CCL28: variants seen among roughly 807,000 people sequenced by gnomAD.
CCL28 encodes the protein C-C motif chemokine 28.
In CCL28, 4 loss-of-function variants were observed where a neutral mutation model predicts 7.1. The observed-to-expected ratio is 0.56, with a 90% CI of 0.28 to 1.29. CCL28 has a LOEUF of 1.29. CCL28 is among the 50% of genes most tolerant of loss of function. CCL28 has a pLI of 0.11. For missense variants in CCL28, 151 were observed against 163.4 expected (o/e 0.92, Z 0.41); for synonymous variants, 55 against 57.8 (o/e 0.95, Z 0.22).
the CCL28 span, among the ~76,000 whole-genome samples, chr5:43,370,015 C>A: frequency 6.6e-6 from 1 of 152,104 alleles, no homozygotes; most frequent in African/African-American, 2.4e-5. Flanking sequence ...ATCCCAGCAC[C>A]CTGTGGGGCT....
intron 2 of CCL28, 140 bp from the exon 3 acceptor site, chr5:43,382,192 G>GTC: frequency 1.4e-6 from 1 of 737,976 alleles, no homozygotes; most frequent in Admixed American, 3.2e-5. Flanking sequence ...ATTAAGTGTA[G>GTC]AAATGAAGTG....
downstream of CCL28, among the ~76,000 whole-genome samples, chr5:43,371,877 T>A (rs1244820099): frequency 6.6e-6 from 1 of 152,194 alleles, no homozygotes; most frequent in African/African-American, 2.4e-5. Flanking sequence ...GAAAAGAGGT[T>A]TAGTTGGCTC....
the CCL28 span, among the ~76,000 whole-genome samples, chr5:43,361,462 T>C: frequency 6.6e-6 from 1 of 152,248 alleles, no homozygotes; most frequent in Non-Finnish European, 1.5e-5. Flanking sequence ...TGTTGATAGT[T>C]TCTTTTCCTG....
At chr5:43,370,699 A>G in the CCL28 span, among the ~76,000 whole-genome samples, 1 of 150,510 alleles carries the variant, frequency 6.6e-6, no homozygotes, top group East Asian at 1.9e-4. Context: ...TGTCCTCTGG[A>G]TGTATTCCAG....
the CCL28 span, among the ~76,000 whole-genome samples, chr5:43,370,898 T>A: frequency 6.6e-6 from 1 of 151,990 alleles, no homozygotes; most frequent in Non-Finnish European, 1.5e-5. Context: ...CCCACCACCA[T>A]GACCAGCTAA....
At position 43,380,617 on chromosome 5, in the gene CCL28, A is replaced by G. The variant is rs1218129617; in HGVS notation, c.*1243T>C. 6.6e-6 allele frequency: 1 copy of G among 152,242 alleles called. No individual in the cohort carries two copies. Among genetic ancestry groups the G allele is most frequent in the Admixed American group, 6.6e-5 (1 of 15,262 alleles). 9.4% of individuals were successfully genotyped at this position (152,242 alleles called of 1,614,324 possible). On this transcript the variant is annotated 3_prime_UTR_variant, in exon 3 of 3. Coordinates refer to ENST00000361115, the MANE Select transcript of CCL28 (RefSeq NM_148672.3). ...GGAGTTTGAGATCAACCTGGGCAAC[A>G]TAGTGAGACCCTGTCTCTACAAAAA...
intron 1 of CCL28, among the ~76,000 whole-genome samples, chr5:43,390,283 C>A (rs1740521769): frequency 6.6e-6 from 1 of 152,188 alleles, no homozygotes; most frequent in Non-Finnish European, 1.5e-5. Flanking sequence ...TTCACACAAA[C>A]ACAAACCTGT....
chr5:43,410,221 C>T (rs912816740), intron 1 of CCL28, among the ~76,000 whole-genome samples: 2 of 152,202 alleles, frequency 1.3e-5, no homozygotes, highest in African/African-American at 2.4e-5. Flanking sequence ...TTTCCACCCC[C>T]TCCCTGGAGC....
At chr5:43,360,572 T>C in the CCL28 span, among the ~76,000 whole-genome samples, 1 of 152,198 alleles carries the variant, frequency 6.6e-6, no homozygotes, top group Non-Finnish European at 1.5e-5. Context: ...GCCTCCAGCT[T>C]CATCCATGTC....
At chr5:43,404,437 C>A (rs6865488) in intron 1 of CCL28, among the ~76,000 whole-genome samples, 4 of 152,056 alleles carry the variant, frequency 2.6e-5, no homozygotes, top group Non-Finnish European at 5.9e-5. Context: ...GAAATAAACC[C>A]CTTTACAGAC....
chr5:43,407,667 T>C (rs1425203152), intron 1 of CCL28, among the ~76,000 whole-genome samples: 4 of 152,188 alleles, frequency 2.6e-5, no homozygotes, highest in Non-Finnish European at 5.9e-5. Context: ...CCAAAGAACT[T>C]GTGCACAGCA....
At chr5:43,385,621 C>T (rs578250180) in intron 2 of CCL28, among the ~76,000 whole-genome samples, 4 of 152,256 alleles carry the variant, frequency 2.6e-5, no homozygotes, top group Non-Finnish European at 5.9e-5. Context: ...ACACAACAGA[C>T]AGGATCTGTA....
intron 1 of CCL28, among the ~76,000 whole-genome samples, chr5:43,399,005 A>C (rs1348145871): frequency 3.3e-5 from 5 of 152,134 alleles, no homozygotes; most frequent in African/African-American, 1.2e-4. Context: ...AGTAACTTCA[A>C]AATGTGTTTT....
Position 43,380,699 on chromosome 5 carries a change from G to A in CCL28, c.*1161C>T, listed in dbSNP as rs74318865. The A allele has an allele frequency of 0.012, 1,902 of 152,164 alleles. 37 individuals carry two copies. The highest frequency in any genetic ancestry group is 0.084 in the East Asian group (432 of 5,158). 9.4% of individuals were successfully genotyped at this position (152,164 alleles called of 1,614,324 possible). ...GCACCTTGATCCCAGATACTCGGGA[G>A]GCTGAGGTGGGAGGATTGCTTGAGC... On this transcript the variant is annotated 3_prime_UTR_variant, in exon 3 of 3. Transcript: ENST00000361115.
intron 2 of CCL28, among the ~76,000 whole-genome samples, chr5:43,386,787 T>G (rs576140061): frequency 6.6e-6 from 1 of 152,138 alleles, no homozygotes. Context: ...AATTGAATAA[T>G]GGATAAATCC....
intron 2 of CCL28, among the ~76,000 whole-genome samples, chr5:43,385,133 G>C (rs1579725292): frequency 1.3e-5 from 2 of 152,132 alleles, no homozygotes; most frequent in African/African-American, 4.8e-5. Flanking sequence ...TTCTGACCTC[G>C]TGATCCGCCT....
Position 43,382,800 on chromosome 5 carries a change from A to G in CCL28, c.192-748T>C, listed in dbSNP as rs114137814. Among the ~76,000 whole-genome samples, 861 of 152,014 alleles carry G rather than the reference A, an allele frequency of 5.7e-3. 5 individuals carry two copies. Among genetic ancestry groups the G allele is most frequent in the Non-Finnish European group, 9.1e-3 (619 of 67,960 alleles). On this transcript the variant is annotated intron_variant, in intron 2 of 2. Coordinates refer to ENST00000361115, the MANE Select transcript of CCL28 (RefSeq NM_148672.3). ...ATGCCACAGTTCAGAATGTGCTTTCATTTTCATTTTTCTTTTCTTTTTTTT... is the reference window on the plus strand; with the variant it reads ...ATGCCACAGTTCAGAATGTGCTTTCGTTTTCATTTTTCTTTTCTTTTTTTT...
At chr5:43,375,322 AC>A (rs1199120506), downstream of CCL28, among the ~76,000 whole-genome samples, 2 of 140,330 alleles carry the variant, frequency 1.4e-5, no homozygotes, top group African/African-American at 5.4e-5. Context: ...TAAAAATGCC[AC>A]TGCACTCCAG....
chr5:43,393,358 C>A (rs1192498465), intron 1 of CCL28, among the ~76,000 whole-genome samples: 1 of 147,472 alleles, frequency 6.8e-6, no homozygotes, highest in South Asian at 2.1e-4. Context: ...TTTTTTTTTT[C>A]TTTTCTTTTT....
Sources: allele counts gnomAD v4.1 joint callset (sites outside exome capture counted in the v4.1 genomes callset), GRCh38; gene constraint gnomAD v4.1.1; transcripts MANE v1.5; gene names NCBI Gene and HGNC (gene_info 2026-07-23, HGNC 2026-07-21).